Variants in SLCO2B1 observed in about 807,000 individuals in gnomAD.
SLCO2B1 encodes solute carrier organic anion transporter family member 2B1.
SLCO2B1 carries 41 observed loss-of-function variants against 67.3 expected under a neutral mutation model. The ratio of observed to expected loss-of-function variants is 0.61; its 90% CI spans 0.47 to 0.79. The LOEUF (loss-of-function observed/expected upper bound fraction) is 0.79. Among genes scored for constraint, SLCO2B1 ranks in the 30% least tolerant of loss-of-function variants. SLCO2B1 has a pLI of 0.00. For synonymous variants in SLCO2B1, 379 were observed against 381.4 expected (o/e 0.99, Z 0.07); for missense variants, 837 against 920.1 (o/e 0.91, Z 1.17).
intron 13 of SLCO2B1, chr11:75,204,151 C>G (rs376514516): frequency 1.4e-5 from 5 of 354,866 alleles, no homozygotes; most frequent in African/African-American, 6.3e-5. Context: ...CCCTTGGGCT[C>G]GGAGAGAGGC....
chr11:75,157,423 G>C (rs1004624611), intron 1 of SLCO2B1, among the ~76,000 whole-genome samples: 1 of 152,188 alleles, frequency 6.6e-6, no homozygotes, highest in African/African-American at 2.4e-5. Context: ...AGGAAGGAGG[G>C]ATTACAGTCT....
chr11:75,183,115 AT>A lies in SLCO2B1; in HGVS notation c.973-5013del, dbSNP rs200714619. Among the ~76,000 whole-genome samples the A allele has an allele frequency of 2.6e-3, 393 of 152,226 alleles. 3 individuals are homozygous for A. The East Asian group carries it at 0.026, about 10-fold the overall frequency. ...TATATGAACCACATATGTAATTCTA[AT>A]TTTTTTTGTCCACATGCAAAAGTAA... On this transcript the variant is annotated intron_variant, in intron 7 of 13. Coordinates refer to ENST00000289575, the MANE Select transcript of SLCO2B1 (RefSeq NM_007256.5).
At chr11:75,202,774 G>C in intron 11 of SLCO2B1, 127 bp from the exon 12 acceptor site, 1 of 822,730 alleles carries the variant, frequency 1.2e-6, no homozygotes, top group Non-Finnish European at 2.1e-6. Flanking sequence ...TAGATCATCA[G>C]ATGGGAGAGA....
At position 75,198,653 on chromosome 11, in the gene SLCO2B1, G is replaced by A. The variant is rs1945138305; in HGVS notation, c.1600-1571G>A. ...GATTTAGGTGCAGTATTTGGAGGAG[G>A]GTGCAGCTGAGACCGGGCCAGCACT... On this transcript the variant is annotated intron_variant, in intron 10 of 13. Transcript: ENST00000289575. Among the ~76,000 whole-genome samples, 3 of 152,186 alleles carry A rather than the reference G, an allele frequency of 2.0e-5. No individual in the cohort carries two copies. In the South Asian group the frequency reaches 6.2e-4, roughly 32 times the overall value.
At chr11:75,175,144 AG>A (rs1302254620) in intron 7 of SLCO2B1, among the ~76,000 whole-genome samples, 1 of 152,070 alleles carries the variant, frequency 6.6e-6, no homozygotes, top group Non-Finnish European at 1.5e-5. Context: ...TGGGGAGGGA[AG>A]GGGGTGAGAG....
At chr11:75,189,385 T>C (rs1215448770) in intron 8 of SLCO2B1, among the ~76,000 whole-genome samples, 1 of 152,342 alleles carries the variant, frequency 6.6e-6, no homozygotes. Flanking sequence ...ATCCTTGCTC[T>C]GCCTGTCTCA....
At chr11:75,188,343 C>CA (rs1944968281) in intron 8 of SLCO2B1, 105 bp downstream of exon 8, 1 of 727,766 alleles carries the variant, frequency 1.4e-6, no homozygotes, top group East Asian at 2.7e-5. Context: ...TCTCTACCTG[C>CA]AGACCCCTCA....
intron 4 of SLCO2B1, among the ~76,000 whole-genome samples, chr11:75,167,794 C>T (rs1949910234): frequency 6.6e-6 from 1 of 152,176 alleles, no homozygotes; most frequent in African/African-American, 2.4e-5. Context: ...GGAGGAACTG[C>T]CCCAAGGACA....
At chr11:75,187,630 G>T (rs968037677) in intron 7 of SLCO2B1, among the ~76,000 whole-genome samples, 1 of 152,306 alleles carries the variant, frequency 6.6e-6, no homozygotes, top group Middle Eastern at 3.4e-3. Flanking sequence ...CATCATGGTG[G>T]TAGTGATTCT....
intron 3 of SLCO2B1, among the ~76,000 whole-genome samples, chr11:75,164,811 C>G (rs189702580): frequency 6.6e-6 from 1 of 152,342 alleles, no homozygotes; most frequent in Admixed American, 6.5e-5. Flanking sequence ...CAGCACCCGC[C>G]TCATAGGTGG....
intron 12 of SLCO2B1, 55 bp downstream of exon 12, chr11:75,203,020 G>C (rs1423478216): frequency 6.7e-7 from 1 of 1,485,384 alleles, no homozygotes. Context: ...GATGCCCACT[G>C]TGTGCCAGGC....
intron 4 of SLCO2B1, 67 bp from the exon 5 acceptor site, chr11:75,169,106 T>C (rs1591815797): frequency 7.7e-7 from 1 of 1,295,582 alleles, no homozygotes; most frequent in Non-Finnish European, 1.1e-6. Flanking sequence ...AACAGTACCT[T>C]CCCCCGGGGT....
At chr11:75,157,497 TG>T (rs1350681477) in intron 1 of SLCO2B1, among the ~76,000 whole-genome samples, 2 of 152,120 alleles carry the variant, frequency 1.3e-5, no homozygotes, top group African/African-American at 2.4e-5. Context: ...GGGAGAGAGA[TG>T]ATCCAGAGAT....
rs750167927 is a variant in SLCO2B1, at chr11:75,169,221, C to T, written c.497C>T (p.Ser166Leu). 15 of 1,614,078 alleles carry T rather than the reference C, an allele frequency of 9.3e-6. No individual in the cohort carries two copies. Among genetic ancestry groups the T allele is most frequent in the East Asian group, 8.9e-5 (4 of 44,900 alleles). The stretch of plus-strand genomic sequence containing the variant: ...GCTTCCCTGTGCCTGCCCACAACCT[C>T]GGCCCCAGCCTCGGCCCCCTCCAAT... ...FKASLCLPTT[S>L]APASAPSNGN... Residue 166 changes from serine (S) to leucine (L), a missense_variant, in exon 5 of 14, where the codon TCG becomes TTG. Ser to Leu is a moderately radical substitution (Grantham distance 145). Coordinates refer to ENST00000289575, the MANE Select transcript of SLCO2B1 (RefSeq NM_007256.5).
At chr11:75,157,943 G>A (rs1591807286) in intron 1 of SLCO2B1, among the ~76,000 whole-genome samples, 1 of 152,014 alleles carries the variant, frequency 6.6e-6, no homozygotes, top group East Asian at 1.9e-4. Flanking sequence ...GAGCCACTGC[G>A]CCTGGCCCAA....
intron 7 of SLCO2B1, among the ~76,000 whole-genome samples, chr11:75,179,763 G>A (rs1174783480): frequency 6.6e-6 from 1 of 151,892 alleles, no homozygotes; most frequent in Non-Finnish European, 1.5e-5. Flanking sequence ...TTGAAACAGA[G>A]TCTCACTCTG....
intron 11 of SLCO2B1, chr11:75,202,574 T>G: frequency 3.1e-6 from 1 of 321,594 alleles, no homozygotes; most frequent in Admixed American, 4.2e-5. Context: ...CAGCTCCAGG[T>G]CTTGCCAACT....
At chr11:75,164,464 C>T (rs529961147) in intron 3 of SLCO2B1, among the ~76,000 whole-genome samples, 9 of 152,284 alleles carry the variant, frequency 5.9e-5, no homozygotes, top group African/African-American at 2.2e-4. Flanking sequence ...AGGCTTAAAT[C>T]GCATCAAGAG....
At position 75,151,207 on chromosome 11, in the gene SLCO2B1, T is replaced by C; in HGVS notation, c.-175T>C. 1 of 613,796 alleles carries C rather than the reference T, an allele frequency of 1.6e-6. No homozygotes were observed. Among genetic ancestry groups the C allele is most frequent in the South Asian group, 2.0e-5 (1 of 49,804 alleles). The allele number at this position is 613,796 out of a possible 1,614,324, so 38.0% of individuals were successfully genotyped here. The stretch of plus-strand genomic sequence containing the variant: ...GTGTCTGGACAAGTCTGATGTCCTG[T>C]GTGGCCCAAGAAGAACTGACCCCGT... On this transcript the variant is annotated 5_prime_UTR_variant, in exon 1 of 14. Coordinates refer to ENST00000289575, the MANE Select transcript of SLCO2B1 (RefSeq NM_007256.5).
Sources: gnomAD v4.1 joint callset for allele counts (sites outside exome capture counted in the v4.1 genomes callset) on GRCh38, gnomAD v4.1.1 for gene constraint, MANE v1.5 for transcripts, NCBI Gene and HGNC (gene_info 2026-07-23, HGNC 2026-07-21) for gene names.